Variants in IRAG2 observed in about 807,000 individuals in gnomAD.
The protein encoded by IRAG2 is inositol 1,4,5-triphosphate receptor associated 2.
A neutral mutation model predicts 69.9 loss-of-function variants in IRAG2; 45 were observed. The observed-to-expected ratio is 0.64, with a 90% CI of 0.51 to 0.83. The LOEUF is 0.83. Ranked by LOEUF, IRAG2 falls within the 40% of genes least tolerant of loss-of-function variation. The probability of loss-of-function intolerance (pLI) is 0.00; values close to 1 mark genes in which losing one functional copy is unlikely to be tolerated. For synonymous variants in IRAG2, 193 were observed against 202.4 expected, an observed-to-expected ratio of 0.95 and a Z score of 0.40; for missense variants, 520 against 587.0, an observed-to-expected ratio of 0.89 and a Z score of 1.18.
At chr12:25,043,124 A>G (rs973949837) in intron 16 of IRAG2, among the ~76,000 whole-genome samples, 1 of 152,200 alleles carries the variant, frequency 6.6e-6, no homozygotes, top group Non-Finnish European at 1.5e-5. Context: ...CCTATTGTGA[A>G]GAACCCAGAA....
At chr12:25,072,600 T>C (rs76454087) in intron 6 of IRAG2, among the ~76,000 whole-genome samples, 1,723 of 152,356 alleles carry the variant, frequency 0.011, 21 homozygotes, top group African/African-American at 0.031. Flanking sequence ...AAATATAAGA[T>C]ATAAATTATT....
intron 9 of IRAG2, among the ~76,000 whole-genome samples, chr12:25,030,078 G>C (rs1413342038): frequency 1.3e-5 from 2 of 152,160 alleles, no homozygotes; most frequent in Admixed American, 1.3e-4. Flanking sequence ...TCTCTGGGTA[G>C]TGTGGAGTTT....
Position 25,017,183 on chromosome 12 carries a change from A to T in IRAG2, c.1105A>T (p.Arg369Ter). The T allele has an allele frequency of 6.5e-6, 8 of 1,232,158 alleles. No homozygotes were observed. Among genetic ancestry groups the T allele is most frequent in the Non-Finnish European group, 8.1e-6 (8 of 987,958 alleles). 76.3% of individuals were successfully genotyped at this position (1,232,158 alleles called of 1,614,324 possible). ...CGTAGCAGACCTTCATTTCAACAAAAGAAAACTTGAGGAAGAAAATAATAA... is the reference window on the plus strand; with the variant it reads ...CGTAGCAGACCTTCATTTCAACAAATGAAAACTTGAGGAAGAAAATAATAA... The change falls in exon 6 of 39, where the codon AGA (arginine) becomes TGA (stop). Residue 369 changes from arginine to a stop codon, truncating the protein, a stop_gained. Coordinates refer to the IRAG2 transcript ENST00000636465. LOFTEE classifies it high-confidence loss of function.
intron 6 of IRAG2, among the ~76,000 whole-genome samples, chr12:25,078,210 G>A (rs1202405210): frequency 2.0e-5 from 3 of 152,150 alleles, no homozygotes; most frequent in African/African-American, 7.2e-5. Flanking sequence ...ATATATTAAA[G>A]GGCTCTTGTA....
intron 16 of IRAG2, among the ~76,000 whole-genome samples, chr12:25,038,998 A>G (rs984528817): frequency 6.6e-6 from 1 of 152,168 alleles, no homozygotes; most frequent in South Asian, 2.1e-4. Flanking sequence ...TCCTTTCTCT[A>G]CCCTCAATTC....
intron 11 of IRAG2, among the ~76,000 whole-genome samples, 177 bp downstream of exon 11, chr12:25,088,334 A>G (rs868521413): frequency 6.6e-6 from 1 of 152,218 alleles, no homozygotes; most frequent in Non-Finnish European, 1.5e-5. Context: ...CCACATTTGC[A>G]TTGTGTTGAC....
At chr12:25,054,841 G>C (rs1247738508) in intron 1 of IRAG2, among the ~76,000 whole-genome samples, 1 of 152,162 alleles carries the variant, frequency 6.6e-6, no homozygotes, top group African/African-American at 2.4e-5. Context: ...GGGAAATTTA[G>C]ATAGCACGTA....
chr12:25,020,784 C>G, intron 6 of IRAG2: 1 of 1,221,410 alleles, frequency 8.2e-7, no homozygotes, highest in Non-Finnish European at 1.0e-6. Flanking sequence ...CCCCCCACCC[C>G]CACAGTGCCC....
At chr12:25,105,562 T>TA (rs1353201281) in intron 20 of IRAG2, among the ~76,000 whole-genome samples, 3 of 152,136 alleles carry the variant, frequency 2.0e-5, no homozygotes, top group South Asian at 2.1e-4. Context: ...TTCTTTTTTT[T>TA]AAAGTCCTGG....
Position 25,096,943 on chromosome 12 carries a change from G to A in IRAG2, c.640G>A (p.Ala214Thr), listed in dbSNP as rs1948455004. The change falls in exon 15 of 22, where the codon GCA (alanine) becomes ACA (threonine). Residue 214 changes from alanine (A) to threonine (T), a missense_variant. Coordinates refer to ENST00000556887, the MANE Select transcript of IRAG2 (RefSeq NM_001366544.2). ...LTPLCEDDNQ[A>T]QEIIKKLEKS... is the part of the protein sequence containing the mutation. The stretch of plus-strand genomic sequence containing the variant: ...ACCTCTGTGTGAAGATGACAACCAG[G>A]CACAGGAAATCATTAAGAAGCTGGA... 6.2e-7 allele frequency: 1 copy of A among 1,613,504 alleles called. No individual in the cohort carries two copies. Among genetic ancestry groups the A allele is most frequent in the African/African-American group, 1.3e-5 (1 of 74,878 alleles).
At position 25,079,436 on chromosome 12, in the gene IRAG2, C is replaced by G. The variant is rs753672679; in HGVS notation, c.110C>G (p.Ser37Trp). The change falls in exon 8 of 22, where the codon TCG (serine) becomes TGG (tryptophan). Residue 37 changes from serine to tryptophan, a missense_variant. Physicochemically the swap from Ser to Trp is radical, Grantham distance 177. Transcript: ENST00000556887. ...CTACCATTACCCAGACACACTTCAT[C>G]GACAGACGGTACTATAACTTCAAGT... Reference protein sequence around the residue: ...SSLPLPRHTSSTDGTITSSDP... With the variant: ...SSLPLPRHTSWTDGTITSSDP... 3.1e-6 allele frequency: 5 copies of G among 1,613,196 alleles called. No individual in the cohort carries two copies. The highest frequency in any genetic ancestry group is 4.2e-6 in the Non-Finnish European group (5 of 1,179,376).
chr12:25,033,658 A>T (rs1025152828), intron 12 of IRAG2: 36 of 379,338 alleles, frequency 9.5e-5, no homozygotes, highest in Non-Finnish European at 1.4e-4. Context: ...GACCTCCTAG[A>T]CTCACCAGTC....
chr12:25,016,697 A>T (rs1373192628), intron 5 of IRAG2, among the ~76,000 whole-genome samples: 1 of 151,780 alleles, frequency 6.6e-6, no homozygotes, highest in Non-Finnish European at 1.5e-5. Flanking sequence ...TGGGAGGCGG[A>T]GGATCGTGCC....
Position 25,063,835 on chromosome 12 carries a change from C to T in IRAG2, c.-207+19C>T, listed in dbSNP as rs1270335091. ...CTGCTGGGTAAGCCCCCCTTCTATA[C>T]CTGCTCAGACACAAGTAGGGGTAGA... On this transcript the variant is annotated intron_variant, in intron 4 of 21. Transcript: ENST00000556887. 1 of 398,842 alleles carries T rather than the reference C, an allele frequency of 2.5e-6. No individual in the cohort carries two copies. Among genetic ancestry groups the T allele is most frequent in the African/African-American group, 2.1e-5 (1 of 48,610 alleles). The allele number at this position is 398,842 out of a possible 1,614,324, so 24.7% of individuals were successfully genotyped here.
chr12:25,097,855 A>T (rs999740978), intron 15 of IRAG2, among the ~76,000 whole-genome samples: 2 of 152,240 alleles, frequency 1.3e-5, no homozygotes, highest in African/African-American at 4.8e-5. Context: ...ACAACTTTCA[A>T]CTTTTTGTCT....
At chr12:25,083,388 C>G (rs564325805) in intron 9 of IRAG2, 35 bp from the exon 10 acceptor site, 2 of 1,401,244 alleles carry the variant, frequency 1.4e-6, no homozygotes, top group African/African-American at 1.4e-5. Context: ...GCTCCTGCCC[C>G]CCTAACTGCT....
intron 16 of IRAG2, among the ~76,000 whole-genome samples, chr12:25,046,810 A>G: frequency 6.6e-6 from 1 of 152,182 alleles, no homozygotes; most frequent in Non-Finnish European, 1.5e-5. Context: ...GCATTTTTTT[A>G]CAGGAATAGA....
rs144825023 is a variant in IRAG2, at chr12:25,034,659, C to T, written c.1743+712C>T. Reference sequence around the variant, plus strand: ...CAGAAATGCTTTATTTAGAAAAATGCTTTCTTTTCACCATTTGATGGTCTC... The same window carrying T: ...CAGAAATGCTTTATTTAGAAAAATGTTTTCTTTTCACCATTTGATGGTCTC... On this transcript the variant is annotated intron_variant, in intron 13 of 38. Coordinates refer to the IRAG2 transcript ENST00000636465. Among the ~76,000 whole-genome samples, 547 of 152,284 alleles carry T rather than the reference C, an allele frequency of 3.6e-3. 4 individuals are homozygous for T. The highest frequency in any genetic ancestry group is 0.01 in the Middle Eastern group (3 of 294).
intron 7 of IRAG2, 28 bp from the exon 8 acceptor site, chr12:25,079,370 C>T (rs776957876): frequency 1.1e-5 from 17 of 1,611,002 alleles, no homozygotes; most frequent in African/African-American, 9.4e-5. Flanking sequence ...CCTGACATTC[C>T]AAAACATGTT....
Sources: gnomAD v4.1 joint callset for allele counts (sites outside exome capture counted in the v4.1 genomes callset) on GRCh38, gnomAD v4.1.1 for gene constraint, MANE v1.5 for transcripts, NCBI Gene and HGNC (gene_info 2026-07-23, HGNC 2026-07-21) for gene names.